Variants in YAP1 observed in about 807,000 individuals in gnomAD.
YAP1 encodes the protein transcriptional coactivator YAP1.
Under a neutral mutation model 56.9 loss-of-function variants are expected in YAP1, and 5 were observed. The ratio of observed to expected loss-of-function variants is 0.09; its 90% confidence interval spans 0.05 to 0.18. The LOEUF (loss-of-function observed/expected upper bound fraction) is 0.18, where lower values mean the gene tolerates loss of function less well. Among genes scored for constraint, YAP1 ranks in the 10% least tolerant of loss-of-function variants. The pLI, the probability that YAP1 is intolerant of heterozygous loss-of-function variation, is 1.00. For missense variants in YAP1, 539 were observed against 651.8 expected, an observed-to-expected ratio of 0.83 and a Z score of 1.88; for synonymous variants, 265 against 248.1, an observed-to-expected ratio of 1.07 and a Z score of -0.64.
intron 2 of YAP1, among the ~76,000 whole-genome samples, chr11:102,117,845 T>C (rs1032304718): frequency 5.9e-5 from 9 of 152,256 alleles, no homozygotes; most frequent in Admixed American, 5.2e-4. Context: ...GAGCTTTCAT[T>C]TTAAAAGAAT....
At chr11:102,192,174 A>G (rs1476920374) in intron 4 of YAP1, among the ~76,000 whole-genome samples, 1 of 152,172 alleles carries the variant, frequency 6.6e-6, no homozygotes, top group African/African-American at 2.4e-5. Flanking sequence ...TTGATTACCC[A>G]AAAATTTACT....
intron 3 of YAP1, among the ~76,000 whole-genome samples, chr11:102,181,701 A>G (rs1036695765): frequency 1.3e-5 from 2 of 152,208 alleles, no homozygotes; most frequent in East Asian, 3.8e-4. Context: ...CTATTCCCAG[A>G]CCTGCATAGA....
chr11:102,119,174 G>A lies in YAP1; in HGVS notation c.572+4780G>A, dbSNP rs139408132. ...GAGCTTACTTCTGCTCAGTGGGTGG[G>A]CATCCCAGGGAAGAATGGCACACAG... is the stretch of plus-strand genomic sequence containing the variant. On this transcript the variant is annotated intron_variant, in intron 2 of 8. Transcript: ENST00000282441. Among the ~76,000 whole-genome samples the A allele has an allele frequency of 3.5e-3, 539 of 151,992 alleles. 5 individuals carry two copies. Among genetic ancestry groups the A allele is most frequent in the Non-Finnish European group, 5.7e-3 (385 of 67,988 alleles).
chr11:102,170,734 C>T (rs905788168), intron 3 of YAP1, among the ~76,000 whole-genome samples: 29 of 152,050 alleles, frequency 1.9e-4, no homozygotes, highest in Admixed American at 1.3e-3. Flanking sequence ...TTTGGAAGGC[C>T]GAGGTGGGCA....
chr11:102,192,899 G>A (rs1278190952), intron 4 of YAP1, among the ~76,000 whole-genome samples: 1 of 152,194 alleles, frequency 6.6e-6, no homozygotes, highest in African/African-American at 2.4e-5. Flanking sequence ...ATCACATGGT[G>A]AGTATGTCCA....
intron 6 of YAP1, among the ~76,000 whole-genome samples, chr11:102,214,209 A>G (rs10895277): frequency 0.33 from 50,244 of 152,144 alleles, 8,411 homozygotes; most frequent in East Asian, 0.36. Context: ...GGTTACTTTC[A>G]TTTCTGGGCA....
intron 2 of YAP1, among the ~76,000 whole-genome samples, chr11:102,142,599 A>G (rs931414519): frequency 6.6e-6 from 1 of 152,252 alleles, no homozygotes; most frequent in Non-Finnish European, 1.5e-5. Flanking sequence ...AGCTTTGAGA[A>G]TCTATTCTTG....
At chr11:102,139,838 A>C (rs17097416) in intron 2 of YAP1, among the ~76,000 whole-genome samples, 2,293 of 152,250 alleles carry the variant, frequency 0.015, 58 homozygotes, top group African/African-American at 0.053. Flanking sequence ...CTACCTATGA[A>C]AACATCATTT....
At chr11:102,194,664 T>C (rs1668734561) in intron 4 of YAP1, among the ~76,000 whole-genome samples, 1 of 152,136 alleles carries the variant, frequency 6.6e-6, no homozygotes, top group Non-Finnish European at 1.5e-5. Context: ...GGAACCTGCT[T>C]GCACCTGGGT....
intron 2 of YAP1, among the ~76,000 whole-genome samples, chr11:102,153,016 G>A (rs1278086777): frequency 6.6e-6 from 1 of 152,216 alleles, no homozygotes; most frequent in African/African-American, 2.4e-5. Flanking sequence ...GAGATACTGT[G>A]TGAACAAGGG....
intron 3 of YAP1, among the ~76,000 whole-genome samples, chr11:102,180,681 CAAAAAAAAA>C (rs58820066): frequency 2.3e-5 from 1 of 42,610 alleles, no homozygotes. Flanking sequence ...GACTCCATCT[CAAAAAAAAA>C]AAAAAAAAAA....
At chr11:102,178,924 A>T (rs1947424457) in intron 3 of YAP1, among the ~76,000 whole-genome samples, 1 of 152,188 alleles carries the variant, frequency 6.6e-6, no homozygotes. Flanking sequence ...AGTGTGATAC[A>T]TGGTGCAAGA....
At chr11:102,208,135 T>C (rs185887007) in intron 5 of YAP1, among the ~76,000 whole-genome samples, 4 of 152,234 alleles carry the variant, frequency 2.6e-5, no homozygotes, top group Admixed American at 2.0e-4. Flanking sequence ...GACTATTGTC[T>C]GTTCTCAGAT....
At chr11:102,207,950 G>A (rs890772152) in intron 5 of YAP1, among the ~76,000 whole-genome samples, 1 of 152,184 alleles carries the variant, frequency 6.6e-6, no homozygotes, top group Non-Finnish European at 1.5e-5. Flanking sequence ...ACAGGATGAG[G>A]CTGTTCCTTG....
chr11:102,180,837 C>G (rs769363957), intron 3 of YAP1, among the ~76,000 whole-genome samples: 1 of 151,724 alleles, frequency 6.6e-6, no homozygotes, highest in African/African-American at 2.4e-5. Flanking sequence ...AAAAATGTTT[C>G]GAAGCTAAAT....
In YAP1 at chr11:102,232,300, T is replaced by C. The variant is rs528786712; in HGVS notation, c.*2360T>C. The C allele has an allele frequency of 1.4e-5, 2 of 147,788 alleles. No homozygotes were observed. The highest frequency in any genetic ancestry group is 1.4e-4 in the Admixed American group (2 of 14,516). The allele number at this position is 147,788 out of a possible 1,614,324, so 9.2% of individuals were successfully genotyped here. ...GTTTGGGGGGGGGGTTGTGAAGATT[T>C]AGGGGGACCTTGATAGAGAACTTTA... On this transcript the variant is annotated 3_prime_UTR_variant, in exon 9 of 9. Transcript: ENST00000282441.
intron 3 of YAP1, among the ~76,000 whole-genome samples, chr11:102,164,889 A>G (rs553470829): frequency 1.3e-5 from 2 of 152,200 alleles, no homozygotes; most frequent in East Asian, 1.9e-4. Flanking sequence ...CGCATGGCTA[A>G]TTTTGTATTT....
chr11:102,111,306 G>T (rs1167612751), intron 1 of YAP1, 137 bp downstream of exon 1: 10 of 960,378 alleles, frequency 1.0e-5, no homozygotes, highest in Non-Finnish European at 1.5e-5. Context: ...GTCCCGAGGC[G>T]AAGTGGAACT....
chr11:102,206,168 G>A (rs1453803155), intron 5 of YAP1, 94 bp downstream of exon 5: 2 of 1,440,802 alleles, frequency 1.4e-6, no homozygotes. Flanking sequence ...TAGTTACAGA[G>A]GAATGTTGTC....
Sources: gnomAD v4.1 joint callset for allele counts (sites outside exome capture counted in the v4.1 genomes callset) on GRCh38, gnomAD v4.1.1 for gene constraint, MANE v1.5 for transcripts, NCBI Gene and HGNC (gene_info 2026-07-23, HGNC 2026-07-21) for gene names.